AP1M2: variants seen among roughly 807,000 people sequenced by gnomAD.
AP1M2 encodes the protein AP-1 complex subunit mu-2.
A neutral mutation model predicts 54.6 loss-of-function variants in AP1M2; 41 were observed. The observed-to-expected ratio is 0.75, with a 90% CI of 0.59 to 0.97. AP1M2 has a LOEUF of 0.97. Among genes scored for constraint, AP1M2 ranks in the 50% least tolerant of loss-of-function variants. The probability of loss-of-function intolerance (pLI) is 0.00; values close to 1 mark genes in which losing one functional copy is unlikely to be tolerated. For synonymous variants in AP1M2, 219 were observed against 215.9 expected (o/e 1.01, Z -0.13); for missense variants, 507 against 561.2 (o/e 0.90, Z 0.98).
At chr19:10,580,252 T>C (rs1008119703) in intron 6 of AP1M2, among the ~76,000 whole-genome samples, 5 of 151,520 alleles carry the variant, frequency 3.3e-5, no homozygotes, top group African/African-American at 4.8e-5. Flanking sequence ...GGTTTCTCCA[T>C]GTTGGTCAGG....
At chr19:10,579,895 G>C in intron 6 of AP1M2, 37 bp from the exon 7 acceptor site, 1 of 1,555,142 alleles carries the variant, frequency 6.4e-7, no homozygotes, top group Admixed American at 1.9e-5. Context: ...GTGACCCTGG[G>C]AACCAGGAAA....
At chr19:10,582,264 G>A (rs1206742787) in intron 3 of AP1M2, among the ~76,000 whole-genome samples, 3 of 151,916 alleles carry the variant, frequency 2.0e-5, no homozygotes, top group Admixed American at 2.0e-4. Context: ...GGATGATCTC[G>A]ATCTCTTGAT....
At chr19:10,583,749 G>T in intron 2 of AP1M2, 76 bp from the exon 3 acceptor site, 3 of 1,517,332 alleles carry the variant, frequency 2.0e-6, no homozygotes, top group Non-Finnish European at 2.7e-6. Context: ...CCTCCACCCT[G>T]TCCCTTGCCA....
chr19:10,585,315 G>GAAAGAAAGAA (rs1917614637), intron 1 of AP1M2, among the ~76,000 whole-genome samples: 1 of 141,734 alleles, frequency 7.1e-6, no homozygotes, highest in Non-Finnish European at 1.6e-5. Flanking sequence ...AAGAAAGAAA[G>GAAAGAAAGAA]AAAGAAAGAA....
At chr19:10,582,067 A>T (rs910127282) in intron 3 of AP1M2, among the ~76,000 whole-genome samples, 189 bp from the exon 4 acceptor site, 1 of 150,690 alleles carries the variant, frequency 6.6e-6, no homozygotes, top group African/African-American at 2.4e-5. Context: ...TTTTTTCGAG[A>T]CAGTCTCGCA....
At chr19:10,579,039 C>G in intron 7 of AP1M2, 76 bp from the exon 8 acceptor site, 5 of 880,864 alleles carry the variant, frequency 5.7e-6, no homozygotes, top group East Asian at 3.8e-5. Flanking sequence ...TTTTTTCTTT[C>G]TTTGAGACAG....
intron 1 of AP1M2, among the ~76,000 whole-genome samples, chr19:10,585,283 A>AAAGAAAGAAAGAAGGAAGGAAGGAAGG (rs1568434699): frequency 9.6e-6 from 1 of 104,570 alleles, no homozygotes; most frequent in Non-Finnish European, 1.9e-5. Context: ...AAAGAAGAAA[A>AAAGAAAGAAAGAAGGAAGGAAGGAAGG]AAAGAAAGAA....
intron 7 of AP1M2, 128 bp from the exon 8 acceptor site, chr19:10,579,091 C>T: frequency 1.6e-6 from 1 of 642,490 alleles, no homozygotes; most frequent in Non-Finnish European, 2.6e-6. Flanking sequence ...ATGGCGTGAT[C>T]TTGGCTCACT....
chr19:10,574,822 TGAGGTGACTCGAGCCAAGGGACAG>T, intron 10 of AP1M2, 58 bp downstream of exon 10: 1 of 1,480,050 alleles, frequency 6.8e-7, no homozygotes, highest in South Asian at 1.3e-5. Flanking sequence ...GCCAGGGGAC[TGAGGTGACTCGAGCCAAGGGACAG>T]GAGAGAGGGG....
intron 1 of AP1M2, 150 bp downstream of exon 1, chr19:10,587,040 C>T (rs1159992892): frequency 8.2e-6 from 7 of 853,896 alleles, no homozygotes; most frequent in Non-Finnish European, 1.3e-5. Flanking sequence ...AGGCACAAGG[C>T]GAGTGGATGC....
At chr19:10,574,571 C>A (rs1004415322) in intron 10 of AP1M2, 79 bp from the exon 11 acceptor site, 1 of 1,276,578 alleles carries the variant, frequency 7.8e-7, no homozygotes, top group East Asian at 2.5e-5. Context: ...ACGGCTTAGG[C>A]CAAGCGGCTA....
At position 10,585,321 on chromosome 19, in the gene AP1M2, AAGAAAGAAAGAAAG is replaced by A. The variant is rs1568434856; in HGVS notation, c.43-1265_43-1252del. Among the ~76,000 whole-genome samples the A allele has an allele frequency of 2.0e-4, 28 of 141,732 alleles. 1 individual carries two copies. The highest frequency in any genetic ancestry group is 3.8e-4 in the Non-Finnish European group (23 of 61,102). The allele number at this position is 141,732 out of a possible 152,430, so 93.0% of individuals were successfully genotyped here. A position where few individuals can be genotyped will look rare whatever the true frequency, so the allele number is the denominator to read the frequency against. On this transcript the variant is annotated intron_variant, in intron 1 of 11. Transcript: ENST00000250244. ...AAAGAAAGAAAGAAAGAAAGAAAGA[AAGAAAGAAAGAAAG>A]AAAGAAAGAAAGAAAGAAAGATGAC... is the stretch of plus-strand genomic sequence containing the variant.
chr19:10,587,056 G>T, intron 1 of AP1M2, 134 bp downstream of exon 1: 2 of 992,586 alleles, frequency 2.0e-6, no homozygotes, highest in Non-Finnish European at 3.0e-6. Context: ...GATGCTGGAG[G>T]TGGGATTCCC....
intron 9 of AP1M2, among the ~76,000 whole-genome samples, chr19:10,576,009 G>A (rs746891185): frequency 6.7e-5 from 10 of 149,662 alleles, no homozygotes; most frequent in African/African-American, 9.8e-5. Flanking sequence ...TCCTGACCTC[G>A]TAATCTGCCC....
chr19:10,578,887 C>T lies in AP1M2; in HGVS notation c.888+5G>A. 1 of 1,605,080 alleles carries T rather than the reference C, an allele frequency of 6.2e-7. No individual in the cohort carries two copies. Among genetic ancestry groups the T allele is most frequent in the Non-Finnish European group, 8.5e-7 (1 of 1,175,806 alleles). ...ATTGTTAATAAGCATTCCCCCAAGG[C>T]CCACCTTGACCATGATCTCCACGCG... On this transcript the variant is annotated splice_donor_5th_base_variant and intron_variant, in intron 8 of 11. Coordinates refer to ENST00000250244, the MANE Select transcript of AP1M2 (RefSeq NM_005498.5).
At position 10,578,960 on chromosome 19, in the gene AP1M2, T is replaced by C. The variant is rs1460380773; in HGVS notation, c.820A>G (p.Lys274Glu). ...LMSYRLSTQV[K>E]PLIWIESVIE... ...ACAGACTCAATCCAGATCAGTGGCTTGACCTGTGGGAAGAAGAAGGGGAGA... is the reference window on the plus strand; with the variant it reads ...ACAGACTCAATCCAGATCAGTGGCTCGACCTGTGGGAAGAAGAAGGGGAGA... Residue 274 changes from lysine (K) to glutamate (E), a missense_variant, in exon 8 of 12, where the codon AAG becomes GAG. Transcript: ENST00000250244. 1.9e-6 allele frequency: 3 copies of C among 1,603,442 alleles called. No individual in the cohort carries two copies. The highest frequency in any genetic ancestry group is 2.2e-5 in the East Asian group (1 of 44,490).
chr19:10,579,882 A>G (rs1043854351), intron 6 of AP1M2, 24 bp from the exon 7 acceptor site: 4 of 1,569,330 alleles, frequency 2.5e-6, no homozygotes, highest in Non-Finnish European at 3.5e-6. Flanking sequence ...TGGAGAGTGG[A>G]GAGTGACCCT....
At position 10,577,840 on chromosome 19, in the gene AP1M2, A is replaced by C. The variant is rs1416637704; in HGVS notation, c.889-484T>G. ...CAACCTCCGCCTCCTGGGTTCAAGC[A>C]ATTCTCCTGCCTCAGCCTCCCAAGT... On this transcript the variant is annotated intron_variant, in intron 8 of 11. Transcript: ENST00000250244. Among the ~76,000 whole-genome samples the C allele has an allele frequency of 3.3e-5, 5 of 149,698 alleles. 1 individual carries two copies. In the South Asian group the frequency reaches 8.5e-4, roughly 25 times the overall value.
At chr19:10,586,127 C>CA (rs1917647344) in intron 1 of AP1M2, among the ~76,000 whole-genome samples, 2 of 151,780 alleles carry the variant, frequency 1.3e-5, no homozygotes, top group Admixed American at 1.3e-4. Context: ...ACTAAAGATA[C>CA]AAAAAATTAG....
Sources: allele counts gnomAD v4.1 joint callset (sites outside exome capture counted in the v4.1 genomes callset), GRCh38; gene constraint gnomAD v4.1.1; transcripts MANE v1.5; gene names NCBI Gene and HGNC (gene_info 2026-07-23, HGNC 2026-07-21).